TP73: variants seen among roughly 807,000 people sequenced by gnomAD.
TP73 encodes tumor protein p73.
Under a neutral mutation model 62.5 loss-of-function variants are expected in TP73, and 25 were observed. The observed-to-expected ratio is 0.40, with a 90% CI of 0.29 to 0.56. TP73 has a LOEUF of 0.56. Ranked by LOEUF, TP73 falls within the 20% of genes least tolerant of loss-of-function variation. TP73 has a pLI of 0.46. For synonymous variants in TP73, 423 were observed against 377.5 expected (o/e 1.12, Z -1.40); for missense variants, 754 against 913.3 (o/e 0.83, Z 2.25).
intron 1 of TP73, among the ~76,000 whole-genome samples, chr1:3,655,949 G>A (rs879534274): frequency 9.7e-4 from 147 of 152,270 alleles, no homozygotes; most frequent in Non-Finnish European, 1.7e-3. Flanking sequence ...AGGCTGAGGC[G>A]GGTGGATCAC....
chr1:3,685,776 A>C (rs3753206), intron 3 of TP73, among the ~76,000 whole-genome samples: 1 of 152,066 alleles, frequency 6.6e-6, no homozygotes, highest in Non-Finnish European at 1.5e-5. Flanking sequence ...AGTTCAGCCC[A>C]GGAGCTCAGG....
chr1:3,692,242 T>C (rs1645861730), intron 3 of TP73, among the ~76,000 whole-genome samples: 1 of 152,168 alleles, frequency 6.6e-6, no homozygotes. Context: ...TGTAGCTGTG[T>C]GTTCCCAGGC....
chr1:3,689,031 G>A (rs1645739108), intron 3 of TP73, among the ~76,000 whole-genome samples: 1 of 152,168 alleles, frequency 6.6e-6, no homozygotes, highest in African/African-American at 2.4e-5. Flanking sequence ...TGGGGGTCGG[G>A]AGCGGAACCC....
intron 3 of TP73, among the ~76,000 whole-genome samples, chr1:3,691,983 G>A (rs1645847973): frequency 6.6e-6 from 1 of 151,866 alleles, no homozygotes; most frequent in African/African-American, 2.4e-5. Context: ...GTATTGGTGT[G>A]CGTGCATGTG....
In TP73 at chr1:3,666,140, AAAAAAAAAAAAG is replaced by A. The variant is rs1645108162; in HGVS notation, c.-34+13501_-34+13512del. On this transcript the variant is annotated intron_variant, in intron 1 of 13. Transcript: ENST00000378295. This position sits in a 1 kb window ranked among gnomAD's most constrained non-coding sequence, Gnocchi z 6.4. ...ACTCTGTCTCAAAAAAAAAAAAAAA[AAAAAAAAAAAAG>A]AGAGAGAGAGAGAGAGAATCTCACT... Among the ~76,000 whole-genome samples the A allele has an allele frequency of 6.7e-6, 1 of 149,046 alleles. No homozygotes were observed. Among genetic ancestry groups the A allele is most frequent in the African/African-American group, 2.5e-5 (1 of 40,360 alleles).
rs74414055 is a variant in TP73 at position 3,678,147 on chromosome 1, T to C, written c.-33-4186T>C. Among the ~76,000 whole-genome samples, 538 of 152,370 alleles carry C rather than the reference T, an allele frequency of 3.5e-3. 5 individuals carry two copies. Among genetic ancestry groups the C allele is most frequent in the African/African-American group, 0.012 (504 of 41,590 alleles). Reference sequence around the variant, plus strand: ...TTGATACACATGATTTTTAAAACTATTGGCAACGTTTCAAAAGCAATTTCT... The same window carrying C: ...TTGATACACATGATTTTTAAAACTACTGGCAACGTTTCAAAAGCAATTTCT... On this transcript the variant is annotated intron_variant, in intron 1 of 13. Coordinates refer to ENST00000378295, the MANE Select transcript of TP73 (RefSeq NM_005427.4).
At chr1:3,659,326 G>C (rs1051762654) in intron 1 of TP73, 1 of 152,328 alleles carries the variant, frequency 6.6e-6, no homozygotes, top group African/African-American at 2.4e-5. Context: ...GCAGCAACAG[G>C]CGTGAGGGTC....
At chr1:3,730,849 G>A in intron 11 of TP73, 78 bp from the exon 12 acceptor site, 3 of 1,486,730 alleles carry the variant, frequency 2.0e-6, no homozygotes, top group Non-Finnish European at 2.7e-6. Context: ...GTGTCCAGAG[G>A]TGTCTGGAGC....
chr1:3,712,117 T>A (rs913757403), intron 4 of TP73: 2 of 152,178 alleles, frequency 1.3e-5, no homozygotes, highest in Admixed American at 1.3e-4. Context: ...AATTGCATTA[T>A]CCTAAAAGTT....
At chr1:3,731,125 T>C in intron 12 of TP73, 60 bp downstream of exon 12, 1 of 1,575,092 alleles carries the variant, frequency 6.3e-7, no homozygotes, top group Non-Finnish European at 8.6e-7. Flanking sequence ...ACCTCTGTCC[T>C]TCTGGCCATG....
At chr1:3,678,490 T>A (rs1645425999) in intron 1 of TP73, among the ~76,000 whole-genome samples, 1 of 152,230 alleles carries the variant, frequency 6.6e-6, no homozygotes, top group Non-Finnish European at 1.5e-5. Flanking sequence ...CTGTGAGCAG[T>A]GTTCCTGTGG....
At chr1:3,729,908 C>A in intron 10 of TP73, 92 bp from the exon 11 acceptor site, 1 of 1,457,774 alleles carries the variant, frequency 6.9e-7, no homozygotes, top group East Asian at 2.4e-5. Context: ...AGGCTCCACC[C>A]ATTCGCAGCA....
intron 3 of TP73, among the ~76,000 whole-genome samples, chr1:3,693,024 T>C (rs1156565937): frequency 6.6e-6 from 1 of 152,118 alleles, no homozygotes; most frequent in Non-Finnish European, 1.5e-5. Context: ...CATTCATTCA[T>C]CCCATCAGCA....
intron 3 of TP73, chr1:3,698,157 T>TGGATGGGCAGAC (rs1638834691): frequency 1.0e-6 from 1 of 982,554 alleles, no homozygotes; most frequent in Non-Finnish European, 1.2e-6. Context: ...GACAGGTGGA[T>TGGATGGGCAGAC]GGATGGGCAG....
At chr1:3,698,009 G>GTTCTCGGCTCAGCCACCCA (rs776761993) in intron 3 of TP73, 31 of 917,072 alleles carry the variant, frequency 3.4e-5, no homozygotes, top group Admixed American at 6.2e-5. Context: ...CATAATTCAA[G>GTTCTCGGCTCAGCCACCCA]TTCTCGGCTC....
chr1:3,732,539 C>T (rs1570659090), intron 13 of TP73, among the ~76,000 whole-genome samples: 2 of 150,212 alleles, frequency 1.3e-5, no homozygotes, highest in South Asian at 2.1e-4. Flanking sequence ...TCAGGGGGCT[C>T]CATGTCTAAC....
rs570258129 is a variant in TP73 at position 3,672,779 on chromosome 1, C to T, written c.-33-9554C>T. ...GCGCCCCAGTTCCCTGACAGGGCCC[C>T]ACTTCCCTCCTGCCGCCAACCTCGT... On this transcript the variant is annotated intron_variant, in intron 1 of 13. Transcript: ENST00000378295. This position sits in a 1 kb window ranked among gnomAD's most constrained non-coding sequence, Gnocchi z 5.3. Among the ~76,000 whole-genome samples the T allele has an allele frequency of 6.6e-6, 1 of 152,268 alleles. No individual in the cohort carries two copies. Among genetic ancestry groups the T allele is most frequent in the South Asian group, 2.1e-4 (1 of 4,828 alleles).
At chr1:3,673,068 C>T (rs958527235) in intron 1 of TP73, among the ~76,000 whole-genome samples, 4 of 152,200 alleles carry the variant, frequency 2.6e-5, no homozygotes, top group Admixed American at 6.5e-5. Context: ...ATCTGTTTAC[C>T]GCGTTGCATG....
At chr1:3,731,918 T>G (rs769086031) in intron 13 of TP73, among the ~76,000 whole-genome samples, 2 of 151,836 alleles carry the variant, frequency 1.3e-5, no homozygotes, top group Non-Finnish European at 2.9e-5. Context: ...TACAGAGAGG[T>G]CAGCGCCATT....
Sources: allele counts gnomAD v4.1 joint callset (sites outside exome capture counted in the v4.1 genomes callset), GRCh38; gene constraint gnomAD v4.1.1; non-coding constraint Gnocchi (gnomAD v3.1); transcripts MANE v1.5; gene names NCBI Gene and HGNC (gene_info 2026-07-23, HGNC 2026-07-21).